The following MUC12 variants were observed in gnomAD, a reference collection of about 807,000 sequenced individuals.
MUC12 encodes mucin 12, cell surface associated.
MUC12 carries 172 observed loss-of-function variants against 230.8 expected under a neutral mutation model. That is an observed-to-expected ratio of 0.75 (90% CI 0.66 to 0.85). The LOEUF (loss-of-function observed/expected upper bound fraction) is 0.85, where lower values mean the gene tolerates loss of function less well. Among genes scored for constraint, MUC12 ranks in the 40% least tolerant of loss-of-function variants. The probability of loss-of-function intolerance (pLI) is 0.00; values close to 1 mark genes in which losing one functional copy is unlikely to be tolerated. For missense variants in MUC12, 3,506 were observed against 5,920.6 expected (o/e 0.59, Z 13.38); for synonymous variants, 1,259 against 2,401.9 (o/e 0.52, Z 13.91).
Position 100,999,263 on chromosome 7 carries a change from C to T in MUC12, c.8700C>T (p.Ser2900=), listed in dbSNP as rs1378062858. 1.3e-5 allele frequency: 20 copies of T among 1,519,754 alleles called. No individual in the cohort carries two copies. In the East Asian group the frequency reaches 4.4e-4, roughly 34 times the overall value. 94.1% of individuals were successfully genotyped at this position (1,519,754 alleles called of 1,614,324 possible). A position where few individuals can be genotyped will look rare whatever the true frequency, so the allele number is the denominator to read the frequency against. Residue 2900 remains serine, a synonymous_variant, in exon 2 of 12, where the codon AGC becomes AGT. Coordinates refer to ENST00000536621, the MANE Select transcript of MUC12 (RefSeq NM_001164462.2). ...GSTHTTAFPD[S]TTTSGLSQEP... ...CGCACACAACAGCGTTCCCTGACAG[C>T]ACCACCACCTCAGGCCTCAGTCAGG...
intron 10 of MUC12, chr7:101,017,077 GGGTCAGA>G (rs1793937365): frequency 6.6e-6 from 1 of 152,464 alleles, no homozygotes; most frequent in Admixed American, 6.5e-5. Flanking sequence ...AGGAAAAGAG[GGGTCAGA>G]GGTGCAGGGA....
chr7:100,983,733 C>A (rs1029025173), intron 1 of MUC12, among the ~76,000 whole-genome samples: 2 of 152,144 alleles, frequency 1.3e-5, no homozygotes, highest in Admixed American at 1.3e-4. Flanking sequence ...GCCAGCTCTC[C>A]CCACCCCTGT....
Position 100,991,088 on chromosome 7 carries a change from G to A in MUC12, c.525G>A (p.Thr175=), listed in dbSNP as rs567173084. ...STTSHSRPGP[T]HTIAFPDSTT... ...CCTCCCACAGCCGACCAGGCCCAAC[G>A]CACACAATAGCGTTCCCTGACAGTA... Residue 175 remains threonine, a synonymous_variant, in exon 2 of 12, where the codon ACG becomes ACA. Transcript: ENST00000536621. The A allele has an allele frequency of 7.4e-5, 114 of 1,537,372 alleles. No homozygotes were observed. The highest frequency in any genetic ancestry group is 2.4e-4 in the South Asian group (20 of 84,024).
intron 1 of MUC12, among the ~76,000 whole-genome samples, chr7:100,971,480 T>G (rs867010948): frequency 1.3e-5 from 2 of 152,312 alleles, no homozygotes; most frequent in African/African-American, 4.8e-5. Flanking sequence ...ACCAGGGAAG[T>G]TCCACCATCC....
At chr7:100,984,031 G>T (rs1793149116) in intron 1 of MUC12, among the ~76,000 whole-genome samples, 2 of 152,130 alleles carry the variant, frequency 1.3e-5, no homozygotes, top group South Asian at 4.2e-4. Context: ...TCGTTGTACT[G>T]AGGGTCTAGG....
chr7:101,018,338 TCC>T (rs1369465023), intron 11 of MUC12, among the ~76,000 whole-genome samples: 5 of 62,276 alleles, frequency 8.0e-5, no homozygotes, highest in Non-Finnish European at 1.6e-4. Flanking sequence ...GACTCCCTTC[TCC>T]CCCTAGGACT....
At chr7:100,988,289 G>GAAAAA (rs1167163725) in intron 1 of MUC12, among the ~76,000 whole-genome samples, 21 of 78,710 alleles carry the variant, frequency 2.7e-4, no homozygotes, top group African/African-American at 8.8e-4. Context: ...GGCTGTCCCA[G>GAAAAA]AAAAAAAAAA....
rs371869917 is a variant in MUC12, at chr7:100,992,185, C to A, written c.1622C>A (p.Thr541Asn). 19 of 1,537,974 alleles carry A rather than the reference C, an allele frequency of 1.2e-5. No homozygotes were observed. The East Asian group carries it at 2.2e-4, about 18-fold the overall frequency. Residue 541 changes from threonine (T) to asparagine (N), a missense_variant, in exon 2 of 12, where the codon ACC becomes AAC. Thr to Asn is a moderately conservative substitution (Grantham distance 65). Coordinates refer to ENST00000536621, the MANE Select transcript of MUC12 (RefSeq NM_001164462.2). The part of the protein sequence containing the change: ...THTTAFPGST[T>N]MPGLSQESTA... ...ACAACAGCATTCCCTGGCAGTACCA[C>A]CATGCCAGGCCTCAGTCAGGAATCT...
In MUC12 at chr7:101,009,133, T is replaced by C. The variant is rs1211065953; in HGVS notation, c.15225T>C (p.Tyr5075=). The change falls in exon 5 of 12, where the codon TAT becomes TAC. Residue 5075 remains tyrosine (Y), a synonymous_variant. Coordinates refer to ENST00000536621, the MANE Select transcript of MUC12 (RefSeq NM_001164462.2). ...VVLKGDNLPQ[Y]RGVNIRRLLN... Reference sequence around the variant, plus strand: ...TGAAGGGCGACAATCTTCCTCAGTATAGAGGGGTGAACATTCGGAGATTGC... The same window carrying C: ...TGAAGGGCGACAATCTTCCTCAGTACAGAGGGGTGAACATTCGGAGATTGC... The C allele has an allele frequency of 6.5e-7, 1 of 1,537,886 alleles. No homozygotes were observed. Among genetic ancestry groups the C allele is most frequent in the South Asian group, 1.2e-5 (1 of 84,058 alleles).
At chr7:101,018,332 CCCT>C (rs1460922400) in intron 11 of MUC12, among the ~76,000 whole-genome samples, 6 of 138,568 alleles carry the variant, frequency 4.3e-5, no homozygotes, top group Non-Finnish European at 9.6e-5. Flanking sequence ...CCCTGGGACT[CCCT>C]TCTCCCCCTA....
In MUC12 at chr7:101,005,421, G is replaced by C. The variant is rs561335434; in HGVS notation, c.14858G>C (p.Ser4953Thr). The C allele has an allele frequency of 6.5e-7, 1 of 1,537,864 alleles. No individual in the cohort carries two copies. Among genetic ancestry groups the C allele is most frequent in the Non-Finnish European group, 8.7e-7 (1 of 1,147,038 alleles). Residue 4953 changes from serine to threonine, a missense_variant, in exon 2 of 12, where the codon AGC becomes ACC. Coordinates refer to ENST00000536621, the MANE Select transcript of MUC12 (RefSeq NM_001164462.2). Reference protein sequence around the residue: ...TYTTLFPASSSTSGLTEESTT... With the variant: ...TYTTLFPASSTTSGLTEESTT... ...ACAACACTCTTTCCTGCGAGTTCCAGCACATCAGGCCTCACTGAGGAATCT... is the reference window on the plus strand; with the variant it reads ...ACAACACTCTTTCCTGCGAGTTCCACCACATCAGGCCTCACTGAGGAATCT...
chr7:100,982,001 G>A (rs1210386771), intron 1 of MUC12, among the ~76,000 whole-genome samples: 1 of 151,818 alleles, frequency 6.6e-6, no homozygotes, highest in African/African-American at 2.4e-5. Context: ...GGAGTAGCTG[G>A]GACTACAGGT....
chr7:100,987,352 T>G (rs563710677), intron 1 of MUC12, among the ~76,000 whole-genome samples: 1 of 152,150 alleles, frequency 6.6e-6, no homozygotes, highest in Admixed American at 6.5e-5. Context: ...TGGGTGTGAG[T>G]CACTGCACCC....
chr7:100,992,267 C>G lies in MUC12; in HGVS notation c.1704C>G (p.Thr568=). Residue 568 remains threonine (T), a synonymous_variant, in exon 2 of 12, where the codon ACC becomes ACG. Coordinates refer to ENST00000536621, the MANE Select transcript of MUC12 (RefSeq NM_001164462.2). The stretch of plus-strand genomic sequence containing the variant: ...ACACAACATTGTCCCCTGGCAGTAC[C>G]ACAGCATCATCCCTTGGTCCAGAAT... ...PTDTTLSPGS[T]TASSLGPEYT... is the part of the protein sequence containing the mutation. 1 of 1,537,678 alleles carries G rather than the reference C, an allele frequency of 6.5e-7. No individual in the cohort carries two copies. Among genetic ancestry groups the G allele is most frequent in the South Asian group, 1.2e-5 (1 of 84,048 alleles).
At position 101,005,219 on chromosome 7, in the gene MUC12, G is replaced by T. The variant is rs1793723950; in HGVS notation, c.14656G>T (p.Gly4886Cys). ...ATCTACACCCTTCCCTGACAGCCCA[G>T]GCTTCACTCACACAGTGTTACCTGC... ...QQSTPFPDSP[G>C]FTHTVLPATL... is the part of the protein sequence containing the mutation. Residue 4886 changes from glycine to cysteine, a missense_variant, in exon 2 of 12, where the codon GGC (glycine) becomes TGC (cysteine). By Grantham distance (159) the Gly-to-Cys change is radical. Transcript: ENST00000536621. The T allele has an allele frequency of 6.5e-7, 1 of 1,537,856 alleles. No homozygotes were observed.
At chr7:100,984,903 T>C (rs1365100875) in intron 1 of MUC12, among the ~76,000 whole-genome samples, 1 of 152,114 alleles carries the variant, frequency 6.6e-6, no homozygotes, top group Non-Finnish European at 1.5e-5. Flanking sequence ...CTCACTCTGT[T>C]GCTCAGGCTG....
In MUC12 at chr7:101,005,167, C is replaced by T. The variant is rs1354770765; in HGVS notation, c.14604C>T (p.Ser4868=). ...CTGAAACCACAGCGTTTTCTCACAG[C>T]AACACAATGTCCATTCATAGTCAAC... ...GSTETTAFSH[S]NTMSIHSQQS... is the part of the protein sequence containing the mutation. The change falls in exon 2 of 12, where the codon AGC becomes AGT. Residue 4868 remains serine, a synonymous_variant. Coordinates refer to ENST00000536621, the MANE Select transcript of MUC12 (RefSeq NM_001164462.2). 1 of 1,537,680 alleles carries T rather than the reference C, an allele frequency of 6.5e-7. No individual in the cohort carries two copies. Among genetic ancestry groups the T allele is most frequent in the Non-Finnish European group, 8.7e-7 (1 of 1,147,034 alleles).
rs1437778371 is a variant in MUC12 at position 100,993,640 on chromosome 7, G to A, written c.3077G>A (p.Gly1026Asp). The A allele has an allele frequency of 9.2e-7, 1 of 1,090,344 alleles. No individual in the cohort carries two copies. The highest frequency in any genetic ancestry group is 2.3e-5 in the Admixed American group (1 of 43,502). The allele number at this position is 1,090,344 out of a possible 1,614,324, so 67.5% of individuals were successfully genotyped here. A position where few individuals can be genotyped will look rare whatever the true frequency, so the allele number is the denominator to read the frequency against. The change falls in exon 2 of 12, where the codon GGC becomes GAC. Residue 1026 changes from glycine to aspartate, a missense_variant. Physicochemically the swap from Gly to Asp is moderately conservative, Grantham distance 94. Coordinates refer to ENST00000536621, the MANE Select transcript of MUC12 (RefSeq NM_001164462.2). ...EESTTYHRSP[G>D]STPTTHFPAS... Reference sequence around the variant, plus strand: ...TCTACAACCTACCACCGCAGCCCAGGCTCGACTCCAACAACACACTTCCCT... The same window carrying A: ...TCTACAACCTACCACCGCAGCCCAGACTCGACTCCAACAACACACTTCCCT...
In MUC12 at chr7:101,015,691, G is replaced by C; in HGVS notation, c.15877G>C (p.Asp5293His). 6.5e-7 allele frequency: 1 copy of C among 1,537,398 alleles called. No individual in the cohort carries two copies. Among genetic ancestry groups the C allele is most frequent in the Non-Finnish European group, 8.7e-7 (1 of 1,146,824 alleles). ...GIFQKTAIWEDQNLRESRFGL... is the reference protein window; with the variant it reads ...GIFQKTAIWEHQNLRESRFGL... The stretch of plus-strand genomic sequence containing the variant: ...CTTCCAGAAGACGGCCATCTGGGAA[G>C]GTACCTCTAGTTAAGGGCAAGGAGA... Residue 5293 changes from aspartate (D) to histidine (H), a missense_variant and splice_region_variant, in exon 10 of 12, where the codon GAC (aspartate) becomes CAC (histidine). Asp to His is a moderately conservative substitution (Grantham distance 81). Transcript: ENST00000536621.
Sources: allele counts gnomAD v4.1 joint callset (sites outside exome capture counted in the v4.1 genomes callset), GRCh38; gene constraint gnomAD v4.1.1; transcripts MANE v1.5; gene names NCBI Gene and HGNC (gene_info 2026-07-23, HGNC 2026-07-21).